The following GYS2 variants were observed in gnomAD, a reference collection of about 807,000 sequenced individuals.
GYS2 encodes the protein glycogen synthase 2, also known as glycogen [starch] synthase, liver.
GYS2 carries 80 observed loss-of-function variants against 85.6 expected under a neutral mutation model. The observed-to-expected ratio is 0.93, with a 90% confidence interval of 0.78 to 1.13. The LOEUF (loss-of-function observed/expected upper bound fraction) is 1.13. Ranked by LOEUF, GYS2 falls within the 50% of genes most tolerant of loss-of-function variation. The pLI is 0.00. For synonymous variants in GYS2, 328 were observed against 300.7 expected, an observed-to-expected ratio of 1.09 and a Z score of -0.94; for missense variants, 881 against 854.9, an observed-to-expected ratio of 1.03 and a Z score of -0.38.
intron 1 of GYS2, among the ~76,000 whole-genome samples, chr12:21,590,694 A>G (rs1276940959): frequency 2.0e-5 from 3 of 152,144 alleles, no homozygotes; most frequent in Admixed American, 1.3e-4. Flanking sequence ...AACTAGACTC[A>G]TTACCATCAG....
chr12:21,592,717 T>C (rs918017543), intron 1 of GYS2, among the ~76,000 whole-genome samples: 7 of 152,064 alleles, frequency 4.6e-5, no homozygotes, highest in African/African-American at 1.7e-4. Flanking sequence ...AATCTCAGCA[T>C]CAGATAGATC....
chr12:21,592,543 A>G lies in GYS2; in HGVS notation c.121+11929T>C, dbSNP rs374347498. 3.8e-4 allele frequency among the ~76,000 whole-genome samples: 58 copies of G among 152,206 alleles called. No individual in the cohort carries two copies. In the South Asian group the frequency reaches 0.012, roughly 31 times the overall value. On this transcript the variant is annotated intron_variant, in intron 1 of 15. Coordinates refer to ENST00000261195, the MANE Select transcript of GYS2 (RefSeq NM_021957.4). ...TTTAAATAAAAAACACTAAGAGACA[A>G]AAGTCATTACATAATGATAAAAGGA...
chr12:21,581,361 C>T (rs1317655227), intron 1 of GYS2, among the ~76,000 whole-genome samples: 3 of 152,166 alleles, frequency 2.0e-5, no homozygotes, highest in Non-Finnish European at 4.4e-5. Context: ...ATTCCAGACA[C>T]TGTATGGAAA....
rs930383941 is a variant in GYS2 at position 21,560,243 on chromosome 12, C to A, written c.1169+143G>T. On this transcript the variant is annotated intron_variant, in intron 8 of 15. Coordinates refer to ENST00000261195, the MANE Select transcript of GYS2 (RefSeq NM_021957.4). ...ATTACGATAACCTAAAATAGTAGCA[C>A]GATGAAAAGAGAGTCAAGTATTATT... is the stretch of plus-strand genomic sequence containing the variant. The A allele has an allele frequency of 6.1e-6, 4 of 658,348 alleles. No homozygotes were observed. In the Middle Eastern group the frequency reaches 8.1e-4, roughly 133 times the overall value. 40.8% of individuals were successfully genotyped at this position (658,348 alleles called of 1,614,324 possible). A position where few individuals can be genotyped will look rare whatever the true frequency, so the allele number is the denominator to read the frequency against.
intron 11 of GYS2, among the ~76,000 whole-genome samples, chr12:21,553,725 G>A (rs1465108498): frequency 6.6e-6 from 1 of 152,090 alleles, no homozygotes; most frequent in Non-Finnish European, 1.5e-5. Flanking sequence ...ACAGGAAAAA[G>A]TGGTATGTAG....
Position 21,568,952 on chromosome 12 carries a change from G to C in GYS2, c.736C>G (p.Arg246Gly). Reference protein sequence around the residue: ...RQIYHRYCMERASVHCAHVFT... With the variant: ...RQIYHRYCMEGASVHCAHVFT... Reference sequence around the variant, plus strand: ...ACGTGAGCGCAATGAACGGAAGCTCGCTCCATGCAGTACCGGTGGTAAATC... The same window carrying C: ...ACGTGAGCGCAATGAACGGAAGCTCCCTCCATGCAGTACCGGTGGTAAATC... The change falls in exon 5 of 16, where the codon CGA (arginine) becomes GGA (glycine). Residue 246 changes from arginine (R) to glycine (G), a missense_variant. Physicochemically the swap from Arg to Gly is moderately radical, Grantham distance 125 (BLOSUM62 -2). Coordinates refer to ENST00000261195, the MANE Select transcript of GYS2 (RefSeq NM_021957.4). The C allele has an allele frequency of 6.2e-7, 1 of 1,613,202 alleles. No homozygotes were observed. Among genetic ancestry groups the C allele is most frequent in the South Asian group, 1.1e-5 (1 of 91,054 alleles).
At chr12:21,564,293 TGG>T (rs1187585589) in intron 5 of GYS2, among the ~76,000 whole-genome samples, 4 of 152,258 alleles carry the variant, frequency 2.6e-5, no homozygotes, top group Admixed American at 2.6e-4. Flanking sequence ...TAGTCAGGCA[TGG>T]TGGTGTGCGC....
chr12:21,592,852 G>A lies in GYS2; in HGVS notation c.121+11620C>T, dbSNP rs977018285. Among the ~76,000 whole-genome samples the A allele has an allele frequency of 6.1e-4, 93 of 151,872 alleles. 2 individuals are homozygous for A. Among genetic ancestry groups the A allele is most frequent in the Admixed American group, 1.3e-4 (2 of 15,262 alleles). ...TATATTTATCTCATCAGCACATGAC[G>A]CATTCCCCAGGATACACCATATGTT... On this transcript the variant is annotated intron_variant, in intron 1 of 15. Coordinates refer to ENST00000261195, the MANE Select transcript of GYS2 (RefSeq NM_021957.4).
At position 21,560,478 on chromosome 12, in the gene GYS2, G is replaced by A. The variant is rs771271742; in HGVS notation, c.1077C>T (p.Asp359=). 1 of 1,526,952 alleles carries A rather than the reference G, an allele frequency of 6.5e-7. No individual in the cohort carries two copies. Among genetic ancestry groups the A allele is most frequent in the Non-Finnish European group, 9.1e-7 (1 of 1,100,406 alleles). The allele number at this position is 1,526,952 out of a possible 1,614,324, so 94.6% of individuals were successfully genotyped here. A position where few individuals can be genotyped will look rare whatever the true frequency, so the allele number is the denominator to read the frequency against. The change falls in exon 8 of 16, where the codon GAC becomes GAT. Residue 359 remains aspartate, a synonymous_variant. Coordinates refer to ENST00000261195, the MANE Select transcript of GYS2 (RefSeq NM_021957.4). ...TAATGAAAAACACCATCACTGTGAT[G>A]TCACTTTTATGCATCTGATGAGGAA... ...LNFLLRMHKS[D]ITVMVFFIMP... is the part of the protein sequence containing the mutation.
intron 11 of GYS2, among the ~76,000 whole-genome samples, chr12:21,554,356 G>T (rs974980881): frequency 6.6e-6 from 1 of 151,962 alleles, no homozygotes; most frequent in Admixed American, 6.6e-5. Context: ...TCTCCTCATG[G>T]GTATATTGAC....
At position 21,585,219 on chromosome 12, in the gene GYS2, G is replaced by T. The variant is rs1044204956; in HGVS notation, c.122-4696C>A. Among the ~76,000 whole-genome samples, 6 of 152,140 alleles carry T rather than the reference G, an allele frequency of 3.9e-5. No homozygotes were observed. The East Asian group carries it at 5.8e-4, about 15-fold the overall frequency. Reference sequence around the variant, plus strand: ...GGCATTATGTTCTGCTGGCTTAGAGGTCTTAGTTCCAGAGGGAGGAACACT... The same window carrying T: ...GGCATTATGTTCTGCTGGCTTAGAGTTCTTAGTTCCAGAGGGAGGAACACT... On this transcript the variant is annotated intron_variant, in intron 1 of 15. Coordinates refer to ENST00000261195, the MANE Select transcript of GYS2 (RefSeq NM_021957.4).
At chr12:21,545,017 C>A (rs1274221304) in intron 12 of GYS2, among the ~76,000 whole-genome samples, 2 of 152,140 alleles carry the variant, frequency 1.3e-5, no homozygotes, top group Non-Finnish European at 2.9e-5. Flanking sequence ...ATAATTCAGC[C>A]TATTATTCCC....
At chr12:21,540,610 G>C (rs753961298) in intron 13 of GYS2, 37 bp from the exon 14 acceptor site, 7 of 1,573,120 alleles carry the variant, frequency 4.4e-6, no homozygotes, top group Non-Finnish European at 6.1e-6. Context: ...AGTAAAAGTA[G>C]GACTAACCTT....
chr12:21,572,267 A>G (rs1944395740), intron 4 of GYS2, among the ~76,000 whole-genome samples: 1 of 152,226 alleles, frequency 6.6e-6, no homozygotes. Flanking sequence ...CAGTAATTTG[A>G]GTAAAATCGT....
chr12:21,589,935 G>A (rs1944616050), intron 1 of GYS2, among the ~76,000 whole-genome samples: 1 of 152,092 alleles, frequency 6.6e-6, no homozygotes, highest in Admixed American at 6.5e-5. Context: ...CATCCCTGAA[G>A]CTCTGCTGAC....
rs374040928 is a variant in GYS2, at chr12:21,537,057, T to C, written c.2009A>G (p.Glu670Gly). ...CCGATCCCTTTCAGCCTCCTCTTCCTCATCGTATCTCTCATCCTCCACTTC... is the reference window on the plus strand; with the variant it reads ...CCGATCCCTTTCAGCCTCCTCTTCCCCATCGTATCTCTCATCCTCCACTTC... ...EDEVEDERYD[E>G]EEEAERDRLN... The change falls in exon 16 of 16, where the codon GAG becomes GGG. Residue 670 changes from glutamate (E) to glycine (G), a missense_variant. Transcript: ENST00000261195. 22 of 1,613,798 alleles carry C rather than the reference T, an allele frequency of 1.4e-5. No individual in the cohort carries two copies. The highest frequency in any genetic ancestry group is 1.9e-5 in the Non-Finnish European group (22 of 1,179,854).
rs189673178 is a variant in GYS2 at position 21,539,884 on chromosome 12, A to T, written c.1809+526T>A. ...TGTTCAGCACTGTGCAAACAGACAC[A>T]TTATGTGAAGGCAAAGTCAATTCAT... On this transcript the variant is annotated intron_variant, in intron 14 of 15. Transcript: ENST00000261195. Among the ~76,000 whole-genome samples the T allele has an allele frequency of 4.2e-3, 638 of 152,334 alleles. 4 individuals are homozygous for T. The highest frequency in any genetic ancestry group is 0.014 in the African/African-American group (591 of 41,564).
At chr12:21,550,457 C>T (rs1410934596) in intron 11 of GYS2, among the ~76,000 whole-genome samples, 1 of 152,152 alleles carries the variant, frequency 6.6e-6, no homozygotes, top group East Asian at 1.9e-4. Context: ...GCCCTCCTCT[C>T]TCCATTCTGG....
At chr12:21,562,150 AC>A (rs1944261190) in intron 7 of GYS2, among the ~76,000 whole-genome samples, 1 of 152,116 alleles carries the variant, frequency 6.6e-6, no homozygotes, top group Non-Finnish European at 1.5e-5. Context: ...TTTGTATCCC[AC>A]CTTCCTGAGT....
Sources: allele counts gnomAD v4.1 joint callset (sites outside exome capture counted in the v4.1 genomes callset), GRCh38; gene constraint gnomAD v4.1.1; transcripts MANE v1.5; gene names NCBI Gene and HGNC (gene_info 2026-07-23, HGNC 2026-07-21).